The following BRINP3 variants were observed in gnomAD, a reference collection of about 807,000 sequenced individuals.
BRINP3 encodes the protein BMP/retinoic acid inducible neural specific 3, also known as BMP/retinoic acid-inducible neural-specific protein 3.
A neutral mutation model predicts 71.0 loss-of-function variants in BRINP3; 19 were observed. That is an observed-to-expected ratio of 0.27 (90% CI 0.19 to 0.39). BRINP3 has a LOEUF of 0.39. BRINP3 is among the 10% of genes least tolerant of loss of function. The pLI, the probability that BRINP3 is intolerant of heterozygous loss-of-function variation, is 1.00. For missense variants in BRINP3, 959 were observed against 940.8 expected, an observed-to-expected ratio of 1.02 and a Z score of -0.25; for synonymous variants, 380 against 337.7, an observed-to-expected ratio of 1.13 and a Z score of -1.37.
chr1:190,387,008 G>A (rs1255183378), intron 2 of BRINP3, among the ~76,000 whole-genome samples: 1 of 151,868 alleles, frequency 6.6e-6, no homozygotes, highest in East Asian at 1.9e-4. Context: ...TCACCTCTTA[G>A]TGTTAATCAG....
At chr1:190,329,962 C>G (rs1393567613) in intron 2 of BRINP3, among the ~76,000 whole-genome samples, 1 of 151,502 alleles carries the variant, frequency 6.6e-6, no homozygotes, top group African/African-American at 2.4e-5. Flanking sequence ...GGACCCATAC[C>G]ATTCATCATA....
At chr1:190,436,151 C>A (rs1674440173) in intron 2 of BRINP3, among the ~76,000 whole-genome samples, 2 of 151,748 alleles carry the variant, frequency 1.3e-5, no homozygotes, top group South Asian at 2.1e-4. Flanking sequence ...TTTCATGTTT[C>A]TAGGAAAGTC....
intron 2 of BRINP3, among the ~76,000 whole-genome samples, chr1:190,397,974 G>A (rs1324922114): frequency 6.6e-6 from 1 of 151,818 alleles, no homozygotes; most frequent in African/African-American, 2.4e-5. Flanking sequence ...AATTAATATC[G>A]TGTTCAGTGA....
intron 7 of BRINP3, among the ~76,000 whole-genome samples, chr1:190,127,915 T>C (rs958047925): frequency 6.6e-6 from 1 of 151,762 alleles, no homozygotes; most frequent in Non-Finnish European, 1.5e-5. Flanking sequence ...GTTCACTATT[T>C]CAACTTGAGG....
At chr1:190,297,498 A>T (rs973245840) in intron 2 of BRINP3, among the ~76,000 whole-genome samples, 3 of 152,290 alleles carry the variant, frequency 2.0e-5, no homozygotes, top group Middle Eastern at 3.4e-3. Context: ...CATTAAGTGT[A>T]ATGTCAGCTG....
intron 4 of BRINP3, among the ~76,000 whole-genome samples, chr1:190,237,041 CTT>C (rs1407517767): frequency 1.3e-5 from 2 of 151,842 alleles, no homozygotes; most frequent in African/African-American, 2.4e-5. Context: ...CAAAGAGTCT[CTT>C]ATATTCACCT....
At chr1:190,471,792 T>G (rs901624797) in intron 1 of BRINP3, among the ~76,000 whole-genome samples, 3 of 151,306 alleles carry the variant, frequency 2.0e-5, no homozygotes, top group Non-Finnish European at 4.5e-5. Flanking sequence ...GAGAAACCAA[T>G]CAAAAGCAAC....
chr1:190,141,555 C>CTTTTTTT (rs35090212), intron 7 of BRINP3, among the ~76,000 whole-genome samples: 112 of 82,374 alleles, frequency 1.4e-3, no homozygotes, highest in Middle Eastern at 0.012. Flanking sequence ...TCTTTCTTTC[C>CTTTTTTT]TTTTTTTTTT....
At chr1:190,128,231 G>GT (rs1181910651) in intron 7 of BRINP3, among the ~76,000 whole-genome samples, 1 of 151,648 alleles carries the variant, frequency 6.6e-6, no homozygotes, top group Non-Finnish European at 1.5e-5. Flanking sequence ...TTGTGGTAAG[G>GT]TTTAGATTCT....
At chr1:190,392,058 CA>C (rs11307676) in intron 2 of BRINP3, among the ~76,000 whole-genome samples, 58,136 of 149,624 alleles carry the variant, frequency 0.39, 11,454 homozygotes, top group African/African-American at 0.48. Context: ...TTAGCTTGGC[CA>C]AAAAAAAAAA....
intron 2 of BRINP3, among the ~76,000 whole-genome samples, chr1:190,393,892 G>A (rs1671412090): frequency 6.6e-6 from 1 of 151,466 alleles, no homozygotes; most frequent in Non-Finnish European, 1.5e-5. Context: ...CTGCCCTAAA[G>A]CTAAGCCAAG....
intron 2 of BRINP3, among the ~76,000 whole-genome samples, chr1:190,311,999 T>A: frequency 7.7e-6 from 1 of 130,444 alleles, no homozygotes. Context: ...CAACACTGTC[T>A]AGAAAATATA....
At chr1:190,434,991 T>G (rs72731173) in intron 2 of BRINP3, among the ~76,000 whole-genome samples, 158 of 152,286 alleles carry the variant, frequency 1.0e-3, no homozygotes, top group Middle Eastern at 3.4e-3. Context: ...GAAGACTTCA[T>G]GCTGCTTCAT....
chr1:190,223,349 T>A (rs1237834879), intron 6 of BRINP3, among the ~76,000 whole-genome samples: 1 of 151,950 alleles, frequency 6.6e-6, no homozygotes, highest in Non-Finnish European at 1.5e-5. Flanking sequence ...GATACAAAGA[T>A]GGTTCAACAC....
chr1:190,259,223 T>C (rs1427438634), intron 4 of BRINP3, among the ~76,000 whole-genome samples: 1 of 151,180 alleles, frequency 6.6e-6, no homozygotes, highest in Non-Finnish European at 1.5e-5. Flanking sequence ...ACTTTGAATA[T>C]AGGCATACCA....
At chr1:190,102,048 T>C (rs16832010) in intron 7 of BRINP3, among the ~76,000 whole-genome samples, 4,742 of 152,230 alleles carry the variant, frequency 0.031, 249 homozygotes, top group African/African-American at 0.11. Context: ...AAGGAGATAG[T>C]ATGTAGATTT....
chr1:190,346,488 G>A (rs1037255284), intron 2 of BRINP3, among the ~76,000 whole-genome samples: 4 of 151,232 alleles, frequency 2.6e-5, no homozygotes, highest in Non-Finnish European at 4.4e-5. Flanking sequence ...ACACTTTTTC[G>A]TTTTTAAAAA....
chr1:190,427,224 G>A (rs7547903), intron 2 of BRINP3, among the ~76,000 whole-genome samples: 25,595 of 151,624 alleles, frequency 0.17, 2,219 homozygotes, highest in South Asian at 0.21. Flanking sequence ...TTTGGCCAGG[G>A]TGCTTGTGTC....
In BRINP3 at chr1:190,234,486, C is replaced by T; in HGVS notation, c.619-9G>A. ...GTCCGTGTTTCTGTTACCTGGCAAA[C>T]AAAACATCAACTTTATTATCTAAAT... On this transcript the variant is annotated splice_polypyrimidine_tract_variant and intron_variant, in intron 4 of 7. Transcript: ENST00000367462. 1 of 1,593,354 alleles carries T rather than the reference C, an allele frequency of 6.3e-7. No homozygotes were observed. Among genetic ancestry groups the T allele is most frequent in the Non-Finnish European group, 8.6e-7 (1 of 1,162,052 alleles).
Sources: allele counts gnomAD v4.1 joint callset (sites outside exome capture counted in the v4.1 genomes callset), GRCh38; gene constraint gnomAD v4.1.1; transcripts MANE v1.5; gene names NCBI Gene and HGNC (gene_info 2026-07-23, HGNC 2026-07-21).